The following TMEM254 variants were observed in gnomAD, a reference collection of about 807,000 sequenced individuals.
The protein encoded by TMEM254 is transmembrane protein C10orf57.
Under a neutral mutation model 13.9 loss-of-function variants are expected in TMEM254, and 16 were observed. The ratio of observed to expected loss-of-function variants is 1.15; its 90% confidence interval spans 0.78 to 1.75. The LOEUF (loss-of-function observed/expected upper bound fraction) is 1.75, where lower values mean the gene tolerates loss of function less well. Among genes scored for constraint, TMEM254 ranks in the 40% most tolerant of loss-of-function variants. TMEM254 has a pLI of 0.00. For missense variants in TMEM254, 155 were observed against 149.0 expected (o/e 1.04, Z -0.21); for synonymous variants, 61 against 56.4 (o/e 1.08, Z -0.36).
intron 3 of TMEM254, chr10:80,086,344 G>A: frequency 1.9e-6 from 2 of 1,031,970 alleles, no homozygotes; most frequent in Non-Finnish European, 2.6e-6. Flanking sequence ...TTCTGAAGGA[G>A]GAGGAAACAA....
In TMEM254 at chr10:80,091,990, T is replaced by A. The variant is rs999374102; in HGVS notation, c.*1073T>A. ...CTCTGATTTATTCAAAACACAAGCA[T>A]TTCTGTTTAGAGATTCTAGCCCATG... On this transcript the variant is annotated 3_prime_UTR_variant, in exon 4 of 4. Transcript: ENST00000372281. 6.6e-6 allele frequency: 1 copy of A among 152,214 alleles called. No individual in the cohort carries two copies. The highest frequency in any genetic ancestry group is 1.5e-5 in the Non-Finnish European group (1 of 68,038). 9.4% of individuals were successfully genotyped at this position (152,214 alleles called of 1,614,324 possible). A position where few individuals can be genotyped will look rare whatever the true frequency, so the allele number is the denominator to read the frequency against.
In TMEM254 at chr10:80,086,149, G is replaced by T; in HGVS notation, c.251+3945G>T. On this transcript the variant is annotated intron_variant, in intron 3 of 3. Coordinates refer to ENST00000372281, the MANE Select transcript of TMEM254 (RefSeq NM_025125.4). ...TACTCACAAAGAGATTTTTGCATCTGCTTGGGTCTTGGTGGAATCATTAAG... is the reference window on the plus strand; with the variant it reads ...TACTCACAAAGAGATTTTTGCATCTTCTTGGGTCTTGGTGGAATCATTAAG... 3 of 870,358 alleles carry T rather than the reference G, an allele frequency of 3.4e-6. No homozygotes were observed. In the South Asian group the frequency reaches 7.9e-5, roughly 23 times the overall value. 53.9% of individuals were successfully genotyped at this position (870,358 alleles called of 1,614,324 possible).
intron 3 of TMEM254, among the ~76,000 whole-genome samples, chr10:80,087,356 C>G (rs1468685523): frequency 6.6e-6 from 1 of 151,866 alleles, no homozygotes; most frequent in East Asian, 1.9e-4. Flanking sequence ...AGAATGAATA[C>G]TTTTGGCTGG....
Position 80,081,874 on chromosome 10 carries a change from C to G in TMEM254, c.121C>G (p.Gln41Glu), listed in dbSNP as rs1003987141. ...VVFWPQSIPY[Q>E]NLGPLGPFTQ... is the part of the protein sequence containing the mutation. ...CTTCTGGCCTCAGAGTATCCCTTAT[C>G]AGAACCTTGGGCCCCTGGGCCCCTT... The change falls in exon 2 of 4, where the codon CAG becomes GAG. Residue 41 changes from glutamine (Q) to glutamate (E), a missense_variant. Coordinates refer to ENST00000372281, the MANE Select transcript of TMEM254 (RefSeq NM_025125.4). 6.2e-7 allele frequency: 1 copy of G among 1,614,252 alleles called. No homozygotes were observed. The highest frequency in any genetic ancestry group is 8.5e-7 in the Non-Finnish European group (1 of 1,180,046).
At chr10:80,082,655 A>G (rs1009952958) in intron 3 of TMEM254, among the ~76,000 whole-genome samples, 1 of 152,192 alleles carries the variant, frequency 6.6e-6, no homozygotes, top group Non-Finnish European at 1.5e-5. Context: ...GTCTTGCCTC[A>G]GAGATAGGAA....
At chr10:80,083,418 T>G (rs554848599) in intron 3 of TMEM254, among the ~76,000 whole-genome samples, 1 of 152,318 alleles carries the variant, frequency 6.6e-6, no homozygotes, top group Non-Finnish European at 1.5e-5. Context: ...AAGCTAGACT[T>G]TCTATGAAGA....
intron 3 of TMEM254, 118 bp downstream of exon 3, chr10:80,082,322 G>T: frequency 3.4e-6 from 4 of 1,173,984 alleles, no homozygotes; most frequent in Non-Finnish European, 5.0e-6. Context: ...GGGTAGAGCG[G>T]AATCCCCATG....
At chr10:80,084,488 T>G (rs946245228) in intron 3 of TMEM254, among the ~76,000 whole-genome samples, 1 of 152,198 alleles carries the variant, frequency 6.6e-6, no homozygotes, top group African/African-American at 2.4e-5. Context: ...CATGCAGTTA[T>G]CAGTGTGGCG....
At position 80,078,698 on chromosome 10, in the gene TMEM254, C is replaced by T; in HGVS notation, c.-2C>T. Reference sequence around the variant, plus strand: ...GCGCGCTCCCGGGGAGGTGTTGCAGCCATGGCTACGGCAGCCGGCGCGACC... The same window carrying T: ...GCGCGCTCCCGGGGAGGTGTTGCAGTCATGGCTACGGCAGCCGGCGCGACC... On this transcript the variant is annotated 5_prime_UTR_variant, in exon 1 of 4. Coordinates refer to ENST00000372281, the MANE Select transcript of TMEM254 (RefSeq NM_025125.4). The T allele has an allele frequency of 6.3e-7, 1 of 1,599,062 alleles. No homozygotes were observed. The highest frequency in any genetic ancestry group is 1.1e-5 in the South Asian group (1 of 89,190).
intron 3 of TMEM254, among the ~76,000 whole-genome samples, chr10:80,089,137 G>T (rs1032308790): frequency 1.3e-5 from 2 of 152,026 alleles, no homozygotes; most frequent in Non-Finnish European, 2.9e-5. Flanking sequence ...GTATAAAACT[G>T]TCCAGAAATA....
In TMEM254 at chr10:80,089,731, T is replaced by C. The variant is rs188296089; in HGVS notation, c.252-1066T>C. Among the ~76,000 whole-genome samples the C allele has an allele frequency of 7.7e-4, 116 of 151,308 alleles. 2 individuals are homozygous for C. The East Asian group carries it at 8.8e-3, about 11-fold the overall frequency. ...GAAATTTGTCAAATGCAGCCGGGCG[T>C]GGTGGCTCACGCCTGTAATACCAGC... is the stretch of plus-strand genomic sequence containing the variant. On this transcript the variant is annotated intron_variant, in intron 3 of 3. Coordinates refer to ENST00000372281, the MANE Select transcript of TMEM254 (RefSeq NM_025125.4).
chr10:80,079,920 G>A (rs948594048), intron 1 of TMEM254, among the ~76,000 whole-genome samples: 1 of 152,194 alleles, frequency 6.6e-6, no homozygotes, highest in African/African-American at 2.4e-5. Context: ...AACTCCTAAC[G>A]TCAAGTGATA....
chr10:80,090,090 C>T (rs562660165), intron 3 of TMEM254, among the ~76,000 whole-genome samples: 2 of 151,646 alleles, frequency 1.3e-5, no homozygotes, highest in South Asian at 4.2e-4. Flanking sequence ...TAATCTGTTA[C>T]TGTAGAAAAT....
At chr10:80,079,805 C>G in intron 1 of TMEM254, 2 of 561,758 alleles carry the variant, frequency 3.6e-6, no homozygotes, top group Non-Finnish European at 4.5e-6. Context: ...CTCTGCTTCC[C>G]AGGTTCAAGC....
rs774866772 is a variant in TMEM254, at chr10:80,078,810, A to G, written c.87+24A>G. The G allele has an allele frequency of 7.0e-6, 11 of 1,580,174 alleles. No individual in the cohort carries two copies. The African/African-American group carries it at 1.2e-4, about 17-fold the overall frequency. On this transcript the variant is annotated intron_variant, in intron 1 of 3. Transcript: ENST00000372281. ...CAGTAAGGACAGCCGCTGGAGCGCT[A>G]CGGTCTGACGAACGAGCGAGCGCTC... is the stretch of plus-strand genomic sequence containing the variant.
intron 1 of TMEM254, chr10:80,079,211 G>GGGGGGGC: frequency 1.0e-6 from 1 of 1,000,130 alleles, no homozygotes; most frequent in Non-Finnish European, 1.4e-6. Flanking sequence ...GGCGGGGCGG[G>GGGGGGGC]CCTCTGTTTT....
Position 80,078,698 on chromosome 10 carries a change from C to G in TMEM254, c.-2C>G. The stretch of plus-strand genomic sequence containing the variant: ...GCGCGCTCCCGGGGAGGTGTTGCAG[C>G]CATGGCTACGGCAGCCGGCGCGACC... On this transcript the variant is annotated 5_prime_UTR_variant, in exon 1 of 4. Coordinates refer to ENST00000372281, the MANE Select transcript of TMEM254 (RefSeq NM_025125.4). 6.3e-7 allele frequency: 1 copy of G among 1,599,062 alleles called. No individual in the cohort carries two copies. Among genetic ancestry groups the G allele is most frequent in the Non-Finnish European group, 8.5e-7 (1 of 1,174,590 alleles).
At chr10:80,081,141 T>C (rs935510278) in intron 1 of TMEM254, among the ~76,000 whole-genome samples, 2 of 152,080 alleles carry the variant, frequency 1.3e-5, no homozygotes, top group Non-Finnish European at 1.5e-5. Flanking sequence ...TTCCAGCTAC[T>C]TGGGGAAGCT....
At chr10:80,079,073 G>A (rs1843805039) in intron 1 of TMEM254, 2 of 1,438,238 alleles carry the variant, frequency 1.4e-6, no homozygotes, top group Non-Finnish European at 1.9e-6. Flanking sequence ...CTGTGTCTGG[G>A]TTTTTCAAGA....
Sources: allele counts gnomAD v4.1 joint callset (sites outside exome capture counted in the v4.1 genomes callset), GRCh38; gene constraint gnomAD v4.1.1; transcripts MANE v1.5; gene names NCBI Gene and HGNC (gene_info 2026-07-23, HGNC 2026-07-21).